EYS: variants seen among roughly 807,000 people sequenced by gnomAD.
EYS encodes the protein EGF-like photoreceptor maintenance factor, also known as protein eyes shut homolog.
In EYS, 250 loss-of-function variants were observed where a neutral mutation model predicts 282.1. The ratio of observed to expected loss-of-function variants is 0.89; its 90% CI spans 0.80 to 0.98. The LOEUF is 0.98. Among genes scored for constraint, EYS ranks in the 50% least tolerant of loss-of-function variants. EYS has a pLI of 0.00. For missense variants in EYS, 4,016 were observed against 3,709.0 expected (o/e 1.08, Z -2.15); for synonymous variants, 1,355 against 1,282.9 (o/e 1.06, Z -1.20).
intron 36 of EYS, among the ~76,000 whole-genome samples, chr6:63,831,958 G>C (rs1042130671): frequency 1.3e-5 from 2 of 152,162 alleles, no homozygotes; most frequent in African/African-American, 2.4e-5. Flanking sequence ...ACCTGCTCCT[G>C]AATGACTACT....
At chr6:64,830,471 A>C (rs1409724856) in intron 19 of EYS, among the ~76,000 whole-genome samples, 1 of 152,000 alleles carries the variant, frequency 6.6e-6, no homozygotes, top group East Asian at 1.9e-4. Context: ...CAAACAAAAA[A>C]GTCATAGCCT....
intron 15 of EYS, among the ~76,000 whole-genome samples, chr6:64,936,455 C>T (rs1420687265): frequency 6.6e-6 from 1 of 151,408 alleles, no homozygotes; most frequent in East Asian, 1.9e-4. Flanking sequence ...GATAATTAAA[C>T]ATAAAACAGA....
At chr6:64,049,570 C>T (rs1038733911) in intron 33 of EYS, among the ~76,000 whole-genome samples, 1 of 152,076 alleles carries the variant, frequency 6.6e-6, no homozygotes, top group South Asian at 2.1e-4. Flanking sequence ...TGTTTAAGCC[C>T]AGATGAGTGG....
chr6:65,701,432 C>T (rs189137442), intron 1 of EYS, among the ~76,000 whole-genome samples: 3 of 152,212 alleles, frequency 2.0e-5, no homozygotes, highest in East Asian at 1.9e-4. Context: ...TCCTCCTTCA[C>T]GCTTGTTCAT....
intron 28 of EYS, among the ~76,000 whole-genome samples, chr6:64,389,740 A>G (rs1019677409): frequency 6.6e-6 from 1 of 152,204 alleles, no homozygotes; most frequent in Non-Finnish European, 1.5e-5. Flanking sequence ...AATCCTTTTC[A>G]AAATAATAGT....
chr6:64,764,238 A>C (rs1450042827), intron 22 of EYS, among the ~76,000 whole-genome samples: 1 of 152,208 alleles, frequency 6.6e-6, no homozygotes, highest in Non-Finnish European at 1.5e-5. Context: ...TTTGCAGCTG[A>C]CTTCTGCCTA....
chr6:63,824,694 A>C (rs1397622819), intron 36 of EYS, among the ~76,000 whole-genome samples: 2 of 152,168 alleles, frequency 1.3e-5, no homozygotes, highest in Non-Finnish European at 2.9e-5. Context: ...GAGCCAAGTC[A>C]AGTTAGAGAG....
At position 63,806,375 on chromosome 6, in the gene EYS, G is replaced by A. The variant is rs962905685; in HGVS notation, c.7229-3C>T. On this transcript the variant is annotated splice_region_variant and splice_polypyrimidine_tract_variant and intron_variant, in intron 36 of 42. Transcript: ENST00000503581. Reference sequence around the variant, plus strand: ...CCTTGGCTGAGTAATATTAATAGCTGTGAAAAAACCCAAACCAAACAGTTA... The same window carrying A: ...CCTTGGCTGAGTAATATTAATAGCTATGAAAAAACCCAAACCAAACAGTTA... 20 of 1,525,248 alleles carry A rather than the reference G, an allele frequency of 1.3e-5. No individual in the cohort carries two copies. In the African/African-American group the frequency reaches 2.6e-4, roughly 20 times the overall value. The allele number at this position is 1,525,248 out of a possible 1,614,324, so 94.5% of individuals were successfully genotyped here.
At chr6:64,161,507 A>G (rs989578477) in intron 31 of EYS, among the ~76,000 whole-genome samples, 1 of 152,206 alleles carries the variant, frequency 6.6e-6, no homozygotes, top group African/African-American at 2.4e-5. Context: ...TTTTCAACAC[A>G]TGATTATTTC....
chr6:64,048,802 C>T (rs896732951), intron 33 of EYS, among the ~76,000 whole-genome samples: 6 of 152,126 alleles, frequency 3.9e-5, no homozygotes, highest in Admixed American at 2.6e-4. Flanking sequence ...GAAGGAACCA[C>T]AGATTTTTTT....
chr6:65,481,862 G>A lies in EYS; in HGVS notation c.862+8732C>T, dbSNP rs909445326. Among the ~76,000 whole-genome samples the A allele has an allele frequency of 2.2e-4, 33 of 152,142 alleles. 1 individual carries two copies. The South Asian group carries it at 3.7e-3, about 17-fold the overall frequency. The stretch of plus-strand genomic sequence containing the variant: ...TGGGATTACAGGCGTGAGCCACTGC[G>A]CCCAGTCCAATTTTGAGACAATTTA... On this transcript the variant is annotated intron_variant, in intron 5 of 42. Transcript: ENST00000503581.
intron 30 of EYS, among the ~76,000 whole-genome samples, chr6:64,239,076 G>A (rs530321961): frequency 1.7e-4 from 26 of 152,272 alleles, no homozygotes; most frequent in African/African-American, 5.8e-4. Context: ...TGCAAAGGAC[G>A]TGAACTCATC....
intron 1 of EYS, among the ~76,000 whole-genome samples, chr6:65,688,392 G>A (rs899250214): frequency 2.4e-4 from 36 of 152,148 alleles, no homozygotes; most frequent in African/African-American, 8.4e-4. Context: ...GTAGAAAGCT[G>A]AAACTGGATC....
In EYS at chr6:64,590,737, A is replaced by T; in HGVS notation, c.5130T>A (p.Thr1710=). Residue 1710 remains threonine, a synonymous_variant, in exon 26 of 43, where the codon ACT becomes ACA. Transcript: ENST00000503581. Reference sequence around the variant, plus strand: ...GATTTAGTACCTCAGTGGGTCCCATAGTTATGCCATATTGTCTTATTTTCA... The same window carrying T: ...GATTTAGTACCTCAGTGGGTCCCATTGTTATGCCATATTGTCTTATTTTCA... ...KLLKIRQYGI[T]MGPTEVLNQE... 1 of 1,551,068 alleles carries T rather than the reference A, an allele frequency of 6.4e-7. No homozygotes were observed. Among genetic ancestry groups the T allele is most frequent in the Non-Finnish European group, 8.7e-7 (1 of 1,146,538 alleles).
chr6:64,159,987 A>G (rs979754174), intron 31 of EYS, among the ~76,000 whole-genome samples: 5 of 152,212 alleles, frequency 3.3e-5, no homozygotes, highest in African/African-American at 9.7e-5. Context: ...TATTCCTTTT[A>G]CAAATAATAA....
chr6:65,547,027 G>T (rs1231063313), intron 2 of EYS, among the ~76,000 whole-genome samples: 1 of 151,756 alleles, frequency 6.6e-6, no homozygotes, highest in South Asian at 2.1e-4. Context: ...GAATCAGAAG[G>T]TTCACTAGAC....
chr6:64,005,494 T>G (rs1442609143), intron 33 of EYS, among the ~76,000 whole-genome samples: 1 of 152,216 alleles, frequency 6.6e-6, no homozygotes, highest in Non-Finnish European at 1.5e-5. Context: ...TTGTCAAGTT[T>G]TGTTTCGGAT....
intron 16 of EYS, among the ~76,000 whole-genome samples, chr6:64,907,057 A>ATTT (rs978216385): frequency 2.0e-5 from 3 of 151,862 alleles, no homozygotes; most frequent in Admixed American, 6.6e-5. Context: ...TATTATTATT[A>ATTT]TTTTTTATTA....
At chr6:64,583,986 T>C (rs942151504) in intron 26 of EYS, among the ~76,000 whole-genome samples, 4 of 152,118 alleles carry the variant, frequency 2.6e-5, no homozygotes, top group African/African-American at 9.7e-5. Flanking sequence ...CTTTTTTCAA[T>C]TGATTTCCTG....
Sources: allele counts gnomAD v4.1 joint callset (sites outside exome capture counted in the v4.1 genomes callset), GRCh38; gene constraint gnomAD v4.1.1; transcripts MANE v1.5; gene names NCBI Gene and HGNC (gene_info 2026-07-23, HGNC 2026-07-21).